The following PCDH15 variants were observed in gnomAD, a reference collection of about 807,000 sequenced individuals.
PCDH15 encodes the protein protocadherin-15.
Under a neutral mutation model 178.5 loss-of-function variants are expected in PCDH15, and 129 were observed. That is an observed-to-expected ratio of 0.72 (90% CI 0.63 to 0.84). The LOEUF (loss-of-function observed/expected upper bound fraction) is 0.84, where lower values mean the gene tolerates loss of function less well. PCDH15 is among the 40% of genes least tolerant of loss of function. The pLI, the probability that PCDH15 is intolerant of heterozygous loss-of-function variation, is 0.00. For synonymous variants in PCDH15, 800 were observed against 732.0 expected (o/e 1.09, Z -1.50); for missense variants, 2,230 against 2,099.9 (o/e 1.06, Z -1.21).
intron 14 of PCDH15, among the ~76,000 whole-genome samples, chr10:54,141,465 T>C (rs1199382212): frequency 6.6e-6 from 1 of 152,210 alleles, no homozygotes; most frequent in East Asian, 1.9e-4. Flanking sequence ...TAAATGATGT[T>C]TATTTCCAAT....
At chr10:55,568,641 T>C (rs1425467671) in intron 2 of PCDH15, among the ~76,000 whole-genome samples, 3 of 152,170 alleles carry the variant, frequency 2.0e-5, no homozygotes, top group Middle Eastern at 3.4e-3. Flanking sequence ...TAATTTGACA[T>C]GTTATCGGGA....
Position 55,510,009 on chromosome 10 carries a change from A to C in PCDH15, c.-156+117616T>G, listed in dbSNP as rs7094256. On this transcript the variant is annotated intron_variant, in intron 2 of 5. Coordinates refer to the PCDH15 transcript ENST00000613346. ...TTAGAACTCGAGTCTCCTGACTCCA[A>C]AATGAAAACTTCACCACTATCTTCC... 6.7e-3 allele frequency among the ~76,000 whole-genome samples: 1,017 copies of C among 152,078 alleles called. 12 individuals are homozygous for C. Among genetic ancestry groups the C allele is most frequent in the African/African-American group, 0.023 (976 of 41,538 alleles).
intron 2 of PCDH15, among the ~76,000 whole-genome samples, chr10:54,562,207 T>C (rs1279442327): frequency 2.0e-5 from 3 of 150,222 alleles, no homozygotes; most frequent in Non-Finnish European, 4.4e-5. Context: ...GCCAGGCTGG[T>C]CTCAAACTCT....
rs140007663 is a variant in PCDH15, at chr10:55,464,831, A to C, written c.-156+162794T>G. Among the ~76,000 whole-genome samples the C allele has an allele frequency of 6.0e-3, 903 of 150,358 alleles. 2 individuals are homozygous for C. Among genetic ancestry groups the C allele is most frequent in the Non-Finnish European group, 0.01 (686 of 67,588 alleles). Reference sequence around the variant, plus strand: ...AAGCACTTTATTTCATTTTAACCCTACTTGTGCCCATCCTTGATATTTTCA... The same window carrying C: ...AAGCACTTTATTTCATTTTAACCCTCCTTGTGCCCATCCTTGATATTTTCA... On this transcript the variant is annotated intron_variant, in intron 2 of 5. Transcript: ENST00000613346.
At chr10:54,487,184 C>A (rs2137037955) in intron 3 of PCDH15, among the ~76,000 whole-genome samples, 1 of 152,110 alleles carries the variant, frequency 6.6e-6, no homozygotes, top group Non-Finnish European at 1.5e-5. Context: ...GAAATGATTT[C>A]TTTGCAGCAA....
chr10:54,265,396 G>A (rs147935253), intron 8 of PCDH15, among the ~76,000 whole-genome samples: 97 of 151,886 alleles, frequency 6.4e-4, no homozygotes, highest in Non-Finnish European at 5.7e-4. Flanking sequence ...CAAAACTATG[G>A]CAGGAACAAA....
intron 27 of PCDH15, among the ~76,000 whole-genome samples, chr10:53,860,145 A>T (rs535278565): frequency 6.6e-6 from 1 of 152,298 alleles, no homozygotes; most frequent in Admixed American, 6.5e-5. Context: ...AAAGAACAGC[A>T]TGACATCTGA....
At chr10:54,497,576 A>G (rs2137308821) in intron 3 of PCDH15, among the ~76,000 whole-genome samples, 1 of 152,290 alleles carries the variant, frequency 6.6e-6, no homozygotes, top group East Asian at 1.9e-4. Flanking sequence ...GAAAGATGGT[A>G]CAGCTATTTT....
At chr10:54,134,359 AGTCC>A (rs2133079549) in intron 14 of PCDH15, among the ~76,000 whole-genome samples, 1 of 151,630 alleles carries the variant, frequency 6.6e-6, no homozygotes, top group South Asian at 2.1e-4. Context: ...TCCTTAAAGT[AGTCC>A]CAAACTCTTT....
intron 1 of PCDH15, among the ~76,000 whole-genome samples, chr10:55,184,927 T>C (rs1839754686): frequency 6.6e-6 from 1 of 151,964 alleles, no homozygotes; most frequent in South Asian, 2.1e-4. Context: ...AATGGATTGA[T>C]TATTTCATGG....
At chr10:55,600,450 A>G (rs1023718500) in intron 2 of PCDH15, among the ~76,000 whole-genome samples, 1 of 152,182 alleles carries the variant, frequency 6.6e-6, no homozygotes, top group Non-Finnish European at 1.5e-5. Context: ...AGTGTAAGTC[A>G]GTTATTACAC....
intron 3 of PCDH15, among the ~76,000 whole-genome samples, chr10:54,818,261 T>C (rs1310927950): frequency 6.6e-6 from 1 of 152,046 alleles, no homozygotes; most frequent in Non-Finnish European, 1.5e-5. Context: ...AAGAAGAGAA[T>C]AAAATGATTG....
rs185374144 is a variant in PCDH15 at position 55,341,841 on chromosome 10, G to A, written c.-155-175190C>T. ...TTTTTTTTTTTTTTTTAGTAGAGAT[G>A]GGGTTTCACCATGTTGCCCAGGATG... On this transcript the variant is annotated intron_variant, in intron 2 of 5. Transcript: ENST00000613346. Among the ~76,000 whole-genome samples the A allele has an allele frequency of 5.7e-3, 634 of 111,236 alleles. 9 individuals carry two copies. The highest frequency in any genetic ancestry group is 0.021 in the African/African-American group (607 of 29,548). 73.0% of individuals were successfully genotyped at this position (111,236 alleles called of 152,430 possible).
At chr10:54,302,947 C>T (rs974312472) in intron 8 of PCDH15, among the ~76,000 whole-genome samples, 7 of 152,120 alleles carry the variant, frequency 4.6e-5, no homozygotes, top group African/African-American at 1.7e-4. Context: ...TACACCCACA[C>T]ATATTAAAAA....
chr10:54,360,262 C>T (rs2134469149), intron 5 of PCDH15, among the ~76,000 whole-genome samples: 1 of 152,218 alleles, frequency 6.6e-6, no homozygotes, highest in African/African-American at 2.4e-5. Flanking sequence ...CCTTCATTTC[C>T]CCTCCCTAAT....
intron 1 of PCDH15, among the ~76,000 whole-genome samples, chr10:54,722,030 G>C (rs755349100): frequency 6.6e-6 from 1 of 151,694 alleles, no homozygotes; most frequent in Non-Finnish European, 1.5e-5. Context: ...TGATCCAGTG[G>C]GTTTATCCAA....
At chr10:55,102,607 G>A (rs536804417) in intron 2 of PCDH15, among the ~76,000 whole-genome samples, 2 of 152,036 alleles carry the variant, frequency 1.3e-5, no homozygotes, top group African/African-American at 4.8e-5. Flanking sequence ...CCTATTTGGC[G>A]ACTGTAATTG....
chr10:54,788,954 C>G lies in PCDH15; in HGVS notation c.-29+11971G>C, dbSNP rs117535144. Among the ~76,000 whole-genome samples, 272 of 151,922 alleles carry G rather than the reference C, an allele frequency of 1.8e-3. 3 individuals are homozygous for G. The South Asian group carries it at 0.027, about 15-fold the overall frequency. ...AATCAAGGTCCTCTAGAAACTTGGT[C>G]ATTTCCTATATGAAACTTTCAAAGA... On this transcript the variant is annotated intron_variant, in intron 1 of 37. Coordinates refer to ENST00000644397, the MANE Select transcript of PCDH15 (RefSeq NM_001384140.1).
chr10:54,711,458 A>G (rs993513144), intron 1 of PCDH15, among the ~76,000 whole-genome samples: 2 of 152,058 alleles, frequency 1.3e-5, no homozygotes, highest in Admixed American at 6.6e-5. Flanking sequence ...GAGTTTTTTC[A>G]TGCCATAGAT....
Sources: allele counts gnomAD v4.1 joint callset (sites outside exome capture counted in the v4.1 genomes callset), GRCh38; gene constraint gnomAD v4.1.1; transcripts MANE v1.5; gene names NCBI Gene and HGNC (gene_info 2026-07-23, HGNC 2026-07-21).